FSD2: variants seen among roughly 807,000 people sequenced by gnomAD.
FSD2 encodes the protein fibronectin type III and SPRY domain containing 2.
A neutral mutation model predicts 80.4 loss-of-function variants in FSD2; 71 were observed. The observed-to-expected ratio is 0.88, with a 90% confidence interval of 0.73 to 1.08. The LOEUF is 1.08. FSD2 is among the 50% of genes least tolerant of loss of function. The pLI, the probability that FSD2 is intolerant of heterozygous loss-of-function variation, is 0.00. For missense variants in FSD2, 923 were observed against 913.8 expected, an observed-to-expected ratio of 1.01 and a Z score of -0.13; for synonymous variants, 361 against 329.5, an observed-to-expected ratio of 1.10 and a Z score of -1.03.
chr15:82,770,788 A>G (rs1447119227), intron 7 of FSD2, among the ~76,000 whole-genome samples: 1 of 152,222 alleles, frequency 6.6e-6, no homozygotes, highest in Non-Finnish European at 1.5e-5. Context: ...AGACTTCCCC[A>G]GAATCTTGAA....
chr15:82,796,950 A>T (rs1305679813), intron 1 of FSD2, among the ~76,000 whole-genome samples: 4 of 151,912 alleles, frequency 2.6e-5, no homozygotes, highest in Non-Finnish European at 5.9e-5. Flanking sequence ...TCTTTATTAC[A>T]AAAGTAAAAC....
At chr15:82,776,979 G>A (rs2049727134) in intron 6 of FSD2, among the ~76,000 whole-genome samples, 1 of 152,188 alleles carries the variant, frequency 6.6e-6, no homozygotes, top group Non-Finnish European at 1.5e-5. Context: ...GGAAAGGATA[G>A]TCTCTTCAAC....
intron 6 of FSD2, among the ~76,000 whole-genome samples, chr15:82,777,864 A>G (rs913331238): frequency 6.6e-5 from 10 of 151,268 alleles, no homozygotes; most frequent in Admixed American, 5.3e-4. Context: ...AAAAAAAAAA[A>G]AGGTGAAAGG....
At chr15:82,766,179 T>C in intron 9 of FSD2, 148 bp from the exon 10 acceptor site, 1 of 851,828 alleles carries the variant, frequency 1.2e-6, no homozygotes, top group Non-Finnish European at 1.7e-6. Flanking sequence ...CCAGGAGTGC[T>C]GGCTCCCCCT....
chr15:82,775,311 T>C (rs1027869965), intron 6 of FSD2, among the ~76,000 whole-genome samples: 1 of 151,624 alleles, frequency 6.6e-6, no homozygotes, highest in African/African-American at 2.4e-5. Flanking sequence ...GGCAGGAGAA[T>C]CGCTGGAACC....
At chr15:82,797,785 G>C (rs1395092773) in intron 1 of FSD2, among the ~76,000 whole-genome samples, 1 of 152,060 alleles carries the variant, frequency 6.6e-6, no homozygotes, top group East Asian at 1.9e-4. Context: ...ACTCCAGCCT[G>C]GGCGACAGAG....
chr15:82,768,607 T>C (rs972058056), intron 9 of FSD2, among the ~76,000 whole-genome samples: 4 of 152,126 alleles, frequency 2.6e-5, no homozygotes, highest in Non-Finnish European at 4.4e-5. Context: ...AATGAATGAA[T>C]GAATGAATGA....
intron 11 of FSD2, among the ~76,000 whole-genome samples, chr15:82,762,674 G>T (rs184384797): frequency 6.6e-6 from 1 of 152,282 alleles, no homozygotes; most frequent in African/African-American, 2.4e-5. Context: ...GGTACTAAAT[G>T]AACATGGAAG....
intron 3 of FSD2, among the ~76,000 whole-genome samples, chr15:82,783,859 G>A (rs147036136): frequency 7.9e-5 from 12 of 152,254 alleles, no homozygotes; most frequent in East Asian, 1.9e-4. Context: ...GTGGTCTGGC[G>A]GCACTGCTTA....
chr15:82,762,582 A>T (rs2049317621), intron 11 of FSD2, among the ~76,000 whole-genome samples: 1 of 152,232 alleles, frequency 6.6e-6, no homozygotes, highest in Admixed American at 6.5e-5. Context: ...TCACTTGTTC[A>T]TAAAAAAAGA....
chr15:82,759,750 T>C, intron 12 of FSD2, 150 bp from the exon 13 acceptor site: 1 of 646,256 alleles, frequency 1.5e-6, no homozygotes, highest in East Asian at 2.8e-5. Flanking sequence ...TTTCTAAAAC[T>C]ATACTCTCTA....
In FSD2 at chr15:82,772,205, G is replaced by C; in HGVS notation, c.1135C>G (p.Pro379Ala). The C allele has an allele frequency of 6.2e-7, 1 of 1,612,316 alleles. No homozygotes were observed. Among genetic ancestry groups the C allele is most frequent in the Admixed American group, 1.7e-5 (1 of 59,752 alleles). ...IPAPSAPVIN[P>A]QVPNSATGSS... is the part of the protein sequence containing the mutation. ...CCTGTGGCTGAGTTAGGGACCTGTG[G>C]ATTTATGACTGGAGCAGAAGGAGCT... The change falls in exon 7 of 13, where the codon CCA becomes GCA. Residue 379 changes from proline to alanine, a missense_variant. By Grantham distance (27) the Pro-to-Ala change is conservative (BLOSUM62 -1). Coordinates refer to ENST00000334574, the MANE Select transcript of FSD2 (RefSeq NM_001007122.4).
At chr15:82,793,763 A>G (rs12900574) in intron 1 of FSD2, among the ~76,000 whole-genome samples, 8,759 of 152,160 alleles carry the variant, frequency 0.058, 472 homozygotes, top group South Asian at 0.24. Context: ...CATTTAAATT[A>G]TCTAATTTAT....
chr15:82,785,912 A>G (rs1206504179), intron 3 of FSD2, among the ~76,000 whole-genome samples: 1 of 152,194 alleles, frequency 6.6e-6, no homozygotes, highest in African/African-American at 2.4e-5. Context: ...AAAGAGGTCC[A>G]AAACAAATAA....
chr15:82,790,742 A>AT (rs56148573), intron 1 of FSD2, among the ~76,000 whole-genome samples: 45,471 of 132,562 alleles, frequency 0.34, 7,633 homozygotes, highest in Middle Eastern at 0.41. Context: ...TGCCCAGCTA[A>AT]TTTTTTTTTT....
chr15:82,786,651 C>T, intron 2 of FSD2, 45 bp from the exon 3 acceptor site: 1 of 1,605,106 alleles, frequency 6.2e-7, no homozygotes, highest in Non-Finnish European at 8.5e-7. Flanking sequence ...GTTACATCTT[C>T]TCTCACTCTT....
intron 11 of FSD2, among the ~76,000 whole-genome samples, chr15:82,764,456 A>G (rs2049360907): frequency 6.8e-6 from 1 of 146,126 alleles, no homozygotes; most frequent in South Asian, 2.2e-4. Flanking sequence ...TTCGTTTTCA[A>G]TAAATCTCTG....
intron 8 of FSD2, among the ~76,000 whole-genome samples, chr15:82,769,341 G>A (rs1294628884): frequency 3.3e-5 from 5 of 152,132 alleles, no homozygotes; most frequent in Non-Finnish European, 7.4e-5. Flanking sequence ...AGGCCGAGGC[G>A]GGTGGATCAC....
intron 1 of FSD2, among the ~76,000 whole-genome samples, chr15:82,792,946 T>G (rs547242962): frequency 6.6e-6 from 1 of 152,318 alleles, no homozygotes; most frequent in East Asian, 1.9e-4. Flanking sequence ...GTAATATGTC[T>G]CATAGAATGA....
Sources: gnomAD v4.1 joint callset for allele counts (sites outside exome capture counted in the v4.1 genomes callset) on GRCh38, gnomAD v4.1.1 for gene constraint, MANE v1.5 for transcripts, NCBI Gene and HGNC (gene_info 2026-07-23, HGNC 2026-07-21) for gene names.